The following SPMIP2 variants were observed in gnomAD, a reference collection of about 807,000 sequenced individuals.
SPMIP2 encodes the protein sperm microtubule inner protein 2.
the SPMIP2 span, among the ~76,000 whole-genome samples, chr4:159,044,381 A>G: frequency 6.6e-6 from 1 of 151,472 alleles, no homozygotes; most frequent in East Asian, 1.9e-4. Context: ...AAAAAAAAAA[A>G]AAAAAAAAGA....
At chr4:159,021,314 A>G in the SPMIP2 span, among the ~76,000 whole-genome samples, 1 of 152,254 alleles carries the variant, frequency 6.6e-6, no homozygotes. Flanking sequence ...AGCCATTCAC[A>G]TTAAGATGCT....
the SPMIP2 span, among the ~76,000 whole-genome samples, chr4:158,968,115 C>T: frequency 3.9e-5 from 6 of 152,160 alleles, no homozygotes; most frequent in Admixed American, 2.6e-4. Flanking sequence ...CTGCAACCTC[C>T]ACTTCCCGGG....
chr4:158,952,396 G>A, the SPMIP2 span, among the ~76,000 whole-genome samples: 2 of 152,094 alleles, frequency 1.3e-5, no homozygotes, highest in South Asian at 2.1e-4. Context: ...CACAAGATAT[G>A]GTTTTATTGG....
At chr4:159,041,296 GAC>G in the SPMIP2 span, among the ~76,000 whole-genome samples, 2 of 151,988 alleles carry the variant, frequency 1.3e-5, no homozygotes, top group Non-Finnish European at 2.9e-5. Flanking sequence ...TTTTTCTATG[GAC>G]ACACAGTTTT....
the SPMIP2 span, among the ~76,000 whole-genome samples, chr4:158,927,778 G>A: frequency 5.9e-5 from 9 of 152,240 alleles, no homozygotes; most frequent in Non-Finnish European, 1.0e-4. Context: ...ACTGGGCTTG[G>A]TGGGCCCCGC....
chr4:158,958,268 G>A, the SPMIP2 span, among the ~76,000 whole-genome samples: 2 of 152,160 alleles, frequency 1.3e-5, no homozygotes, highest in African/African-American at 2.4e-5. Flanking sequence ...CTGAATAGCG[G>A]AGACAGGCAC....
chr4:158,945,189 C>T, the SPMIP2 span, among the ~76,000 whole-genome samples: 1 of 152,074 alleles, frequency 6.6e-6, no homozygotes, highest in East Asian at 1.9e-4. Flanking sequence ...TGAACCACTC[C>T]CCCACATCAC....
At chr4:159,034,346 A>G in the SPMIP2 span, among the ~76,000 whole-genome samples, 2 of 152,216 alleles carry the variant, frequency 1.3e-5, no homozygotes, top group African/African-American at 4.8e-5. Flanking sequence ...TTTATCAAGC[A>G]AATATGTCAA....
At chr4:158,896,046 T>TA in the SPMIP2 span, among the ~76,000 whole-genome samples, 1 of 152,192 alleles carries the variant, frequency 6.6e-6, no homozygotes, top group African/African-American at 2.4e-5. Context: ...CGTTATCTGA[T>TA]ACTGGGTTTC....
chr4:159,009,418 C>G, the SPMIP2 span, among the ~76,000 whole-genome samples: 1 of 152,150 alleles, frequency 6.6e-6, no homozygotes, highest in African/African-American at 2.4e-5. Flanking sequence ...GGACCCCTGC[C>G]CTATGCTCTT....
the SPMIP2 span, among the ~76,000 whole-genome samples, chr4:158,916,122 G>A: frequency 1.3e-5 from 2 of 152,118 alleles, no homozygotes; most frequent in East Asian, 1.9e-4. Flanking sequence ...GATTTGCATC[G>A]CCCTTCACTC....
the SPMIP2 span, among the ~76,000 whole-genome samples, chr4:158,968,381 A>G: frequency 6.6e-6 from 1 of 152,224 alleles, no homozygotes; most frequent in Non-Finnish European, 1.5e-5. Context: ...CAAATGATGC[A>G]AAGTGGGATG....
At chr4:159,050,257 G>A in the SPMIP2 span, among the ~76,000 whole-genome samples, 2 of 143,274 alleles carry the variant, frequency 1.4e-5, no homozygotes, top group African/African-American at 5.3e-5. Flanking sequence ...TGTCAGGCTT[G>A]AGAAGTGGAC....
the SPMIP2 span, among the ~76,000 whole-genome samples, chr4:158,987,325 A>T: frequency 6.6e-6 from 1 of 152,188 alleles, no homozygotes; most frequent in African/African-American, 2.4e-5. Context: ...ATAAAGACAC[A>T]TGCACACATA....
chr4:159,037,783 TATACACAC>T, the SPMIP2 span, among the ~76,000 whole-genome samples: 849 of 97,664 alleles, frequency 8.7e-3, 10 homozygotes, highest in African/African-American at 0.028. Flanking sequence ...AAAAACAATA[TATACACAC>T]ACACACACAC....
the SPMIP2 span, among the ~76,000 whole-genome samples, chr4:158,918,489 A>G: frequency 6.6e-6 from 1 of 152,238 alleles, no homozygotes; most frequent in Non-Finnish European, 1.5e-5. Context: ...AGGGAAAACT[A>G]TTTCATGCAA....
At chr4:159,024,263 T>C in the SPMIP2 span, among the ~76,000 whole-genome samples, 1 of 152,240 alleles carries the variant, frequency 6.6e-6, no homozygotes, top group Non-Finnish European at 1.5e-5. Flanking sequence ...GATAATCTTC[T>C]ATCCACTGCA....
the SPMIP2 span, among the ~76,000 whole-genome samples, chr4:158,900,392 C>T: frequency 6.6e-6 from 1 of 152,078 alleles, no homozygotes; most frequent in African/African-American, 2.4e-5. Context: ...GTCCTGAATA[C>T]CCTGTTAATT....
chr4:158,981,233 G>T, the SPMIP2 span, among the ~76,000 whole-genome samples: 1 of 152,176 alleles, frequency 6.6e-6, no homozygotes, highest in Non-Finnish European at 1.5e-5. Context: ...TGTTTGCTTG[G>T]TGTACCTGAA....
Sources: gnomAD v4.1 joint callset for allele counts (sites outside exome capture counted in the v4.1 genomes callset) on GRCh38, gnomAD v4.1.1 for gene constraint, MANE v1.5 for transcripts, NCBI Gene and HGNC (gene_info 2026-07-23, HGNC 2026-07-21) for gene names.